Variants in NIN observed in about 807,000 individuals in gnomAD.
NIN encodes glycogen synthase kinase 3 beta-interacting protein.
In NIN, 137 loss-of-function variants were observed where a neutral mutation model predicts 257.6. The ratio of observed to expected loss-of-function variants is 0.53; its 90% CI spans 0.46 to 0.61. The LOEUF is 0.61. Among genes scored for constraint, NIN ranks in the 20% least tolerant of loss-of-function variants. The pLI is 0.00. For synonymous variants in NIN, 918 were observed against 919.8 expected, an observed-to-expected ratio of 1.00 and a Z score of 0.04; for missense variants, 2,439 against 2,501.2, an observed-to-expected ratio of 0.98 and a Z score of 0.53.
At chr14:50,727,840 C>T in intron 29 of NIN, 1 of 1,203,666 alleles carries the variant, frequency 8.3e-7, no homozygotes, top group Non-Finnish European at 1.2e-6. Context: ...ACAATGCAAA[C>T]AATTTTTAAA....
At chr14:50,807,518 TA>T (rs1357202117) in intron 3 of NIN, among the ~76,000 whole-genome samples, 1 of 152,232 alleles carries the variant, frequency 6.6e-6, no homozygotes, top group Non-Finnish European at 1.5e-5. Context: ...TGGCCAAGGA[TA>T]TTCTATAACT....
At position 50,723,631 on chromosome 14, in the gene NIN, C is replaced by T. The variant is rs2040311839; in HGVS notation, c.6234G>A (p.Leu2078=). 1.9e-6 allele frequency: 3 copies of T among 1,613,880 alleles called. No individual in the cohort carries two copies. The highest frequency in any genetic ancestry group is 2.5e-6 in the Non-Finnish European group (3 of 1,179,784). The change falls in exon 31 of 31, where the codon TTG becomes TTA. Residue 2078 remains leucine (L), a synonymous_variant. Coordinates refer to ENST00000530997, the MANE Select transcript of NIN (RefSeq NM_020921.4). ...NTKADAMVKD[L]YVENAQLLKA... is the part of the protein sequence containing the mutation. ...TCAACAACTGGGCATTTTCAACATA[C>T]AAGTCCTTCACCATTGCGTCTGCCT...
chr14:50,725,019 GT>G (rs1417072326), intron 30 of NIN, among the ~76,000 whole-genome samples: 1 of 152,136 alleles, frequency 6.6e-6, no homozygotes, highest in African/African-American at 2.4e-5. Context: ...TTGTATCCCT[GT>G]GCCCACGGCA....
intron 3 of NIN, among the ~76,000 whole-genome samples, chr14:50,817,934 T>C (rs1342073324): frequency 2.0e-5 from 3 of 151,956 alleles, no homozygotes; most frequent in African/African-American, 7.2e-5. Context: ...CAGGCTGCTC[T>C]CGAATTCCTG....
intron 4 of NIN, chr14:50,794,441 A>G: frequency 1.0e-6 from 1 of 987,852 alleles, no homozygotes; most frequent in Non-Finnish European, 1.2e-6. Context: ...GGTACCTTTT[A>G]TCAGAAGACA....
chr14:50,752,652 T>G lies in NIN; in HGVS notation c.4816A>C (p.Lys1606Gln). 1 of 1,613,990 alleles carries G rather than the reference T, an allele frequency of 6.2e-7. No individual in the cohort carries two copies. Among genetic ancestry groups the G allele is most frequent in the Non-Finnish European group, 8.5e-7 (1 of 1,179,898 alleles). ...AGACGTTGATTAAGTTCTTGCAGTT[T>G]TTCCTGGTTTTGAGAGTTCTTTTGG... is the stretch of plus-strand genomic sequence containing the variant. ...LSQKNSQNQE[K>Q]LQELNQRLTE... is the part of the protein sequence containing the mutation. Residue 1606 changes from lysine to glutamine, a missense_variant, in exon 21 of 31, where the codon AAA (lysine) becomes CAA (glutamine). Lys to Gln is a moderately conservative substitution (Grantham distance 53). Around this residue, in one of 3 missense-constraint regions of NIN, gnomAD observed 2,043 missense variants for 2,050.2 expected, o/e 1.00. Transcript: ENST00000530997.
chr14:50,825,229 T>A (rs1395527246), intron 2 of NIN, among the ~76,000 whole-genome samples: 1 of 152,212 alleles, frequency 6.6e-6, no homozygotes, highest in Non-Finnish European at 1.5e-5. Flanking sequence ...GTGAATTATC[T>A]ACAGATCTAC....
intron 28 of NIN, among the ~76,000 whole-genome samples, chr14:50,735,125 A>G (rs1270965289): frequency 6.6e-6 from 1 of 152,206 alleles, no homozygotes; most frequent in African/African-American, 2.4e-5. Context: ...GGATTTCCCA[A>G]CTGAAGAGGG....
chr14:50,829,767 G>A (rs900526549), intron 2 of NIN, among the ~76,000 whole-genome samples: 3 of 152,174 alleles, frequency 2.0e-5, no homozygotes, highest in Admixed American at 2.0e-4. Context: ...CAGGGCTGGG[G>A]TTAGGGAAAT....
At chr14:50,753,002 A>C (rs1281747565) in intron 20 of NIN, among the ~76,000 whole-genome samples, 1 of 152,186 alleles carries the variant, frequency 6.6e-6, no homozygotes, top group Non-Finnish European at 1.5e-5. Context: ...ATCATTTTCT[A>C]CGCATATACA....
intron 2 of NIN, 132 bp from the exon 3 acceptor site, chr14:50,822,209 T>G: frequency 3.0e-6 from 2 of 663,914 alleles, no homozygotes; most frequent in Non-Finnish European, 5.2e-6. Context: ...CAGTTTCTGA[T>G]GCACCCCACA....
chr14:50,782,486 A>G lies in NIN; in HGVS notation c.436-3682T>C, dbSNP rs1374702964. Reference sequence around the variant, plus strand: ...GTGGAAAAACATCTTATGAAATGTTAAATGAAAGACCATTACAAAAATGCT... The same window carrying G: ...GTGGAAAAACATCTTATGAAATGTTGAATGAAAGACCATTACAAAAATGCT... On this transcript the variant is annotated intron_variant, in intron 5 of 30. Coordinates refer to ENST00000530997, the MANE Select transcript of NIN (RefSeq NM_020921.4). 2.6e-5 allele frequency among the ~76,000 whole-genome samples: 4 copies of G among 152,248 alleles called. No individual in the cohort carries two copies. The East Asian group carries it at 7.7e-4, about 29-fold the overall frequency.
In NIN at chr14:50,739,288, T is replaced by C. The variant is rs1440586664; in HGVS notation, c.5628+20A>G. On this transcript the variant is annotated intron_variant, in intron 26 of 30. Transcript: ENST00000530997. ...AGTCATTTTCAAACATATGCCATGA[T>C]GTGCAGCTTCTCCAATTACCTTCTC... 2 of 1,611,276 alleles carry C rather than the reference T, an allele frequency of 1.2e-6. No individual in the cohort carries two copies. Among genetic ancestry groups the C allele is most frequent in the South Asian group, 1.1e-5 (1 of 90,878 alleles).
chr14:50,831,342 C>T (rs1466249820), upstream of NIN, among the ~76,000 whole-genome samples: 1 of 152,100 alleles, frequency 6.6e-6, no homozygotes, highest in African/African-American at 2.4e-5. Flanking sequence ...GCCGGGGCTC[C>T]GGGTGCGGGT....
At chr14:50,785,114 C>A (rs1318726034) in intron 5 of NIN, among the ~76,000 whole-genome samples, 1 of 152,266 alleles carries the variant, frequency 6.6e-6, no homozygotes, top group East Asian at 1.9e-4. Context: ...AGTTGTCCTA[C>A]AGCTGGACAA....
chr14:50,746,396 C>T (rs1268929820), intron 22 of NIN, among the ~76,000 whole-genome samples: 2 of 152,148 alleles, frequency 1.3e-5, no homozygotes, highest in Non-Finnish European at 2.9e-5. Flanking sequence ...CAGTAGTTAA[C>T]TTGAAAAGGT....
Position 50,772,968 on chromosome 14 carries a change from T to C in NIN, c.794A>G (p.Lys265Arg). The change falls in exon 8 of 31, where the codon AAA becomes AGA. Residue 265 changes from lysine (K) to arginine (R), a missense_variant. Physicochemically the swap from Lys to Arg is conservative, Grantham distance 26 (BLOSUM62 2). This residue lies in a region of NIN where 387 missense variants were observed against 427.3 expected (regional missense o/e 0.91). Transcript: ENST00000530997. ...PSASTPYRQLKRHLSMQSFDE... is the reference protein window; with the variant it reads ...PSASTPYRQLRRHLSMQSFDE... ...TTTTACCTGCATGGAAAGGTGCCTT[T>C]TTAGTTGTCTATATGGAGTAGATGC... 6.2e-7 allele frequency: 1 copy of C among 1,610,530 alleles called. No homozygotes were observed. The highest frequency in any genetic ancestry group is 1.1e-5 in the South Asian group (1 of 89,804).
rs2040240272 is a variant in NIN at position 50,719,921 on chromosome 14, A to C, written c.*3542T>G. ...CAAAGCTGATATAAACACAGAACTC[A>C]TTAATCTTTATCTGAACAGAAACAT... On this transcript the variant is annotated 3_prime_UTR_variant, in exon 31 of 31. Coordinates refer to ENST00000530997, the MANE Select transcript of NIN (RefSeq NM_020921.4). 1.9e-5 allele frequency: 4 copies of C among 211,196 alleles called. No individual in the cohort carries two copies. The highest frequency in any genetic ancestry group is 3.8e-5 in the Non-Finnish European group (4 of 103,956). The allele number at this position is 211,196 out of a possible 1,614,324, so 13.1% of individuals were successfully genotyped here. A position where few individuals can be genotyped will look rare whatever the true frequency, so the allele number is the denominator to read the frequency against.
rs561470882 is a variant in NIN, at chr14:50,731,745, G to A, written c.5878-2022C>T. Among the ~76,000 whole-genome samples, 30 of 152,246 alleles carry A rather than the reference G, an allele frequency of 2.0e-4. 1 individual carries two copies. The South Asian group carries it at 5.4e-3, about 27-fold the overall frequency. On this transcript the variant is annotated intron_variant, in intron 28 of 30. Transcript: ENST00000530997. ...GGAGGCTGAGGCAGAAGAATCGCTC[G>A]AATCCGGGAGGCAGAGGTTGCAGTG...
Sources: gnomAD v4.1 joint callset for allele counts (sites outside exome capture counted in the v4.1 genomes callset) on GRCh38, gnomAD v4.1.1 for gene constraint, gnomAD v4.1.1 regional missense constraint, MANE v1.5 for transcripts, NCBI Gene and HGNC (gene_info 2026-07-23, HGNC 2026-07-21) for gene names.